The following TFEB variants were observed in gnomAD, a reference collection of about 807,000 sequenced individuals.
TFEB encodes T-cell transcription factor EB.
A neutral mutation model predicts 48.0 loss-of-function variants in TFEB; 12 were observed. The observed-to-expected ratio is 0.25, with a 90% confidence interval of 0.16 to 0.40. The LOEUF (loss-of-function observed/expected upper bound fraction) is 0.40. TFEB is among the 10% of genes least tolerant of loss of function. The pLI, the probability that TFEB is intolerant of heterozygous loss-of-function variation, is 1.00. For synonymous variants in TFEB, 244 were observed against 261.4 expected, an observed-to-expected ratio of 0.93 and a Z score of 0.64; for missense variants, 509 against 640.3, an observed-to-expected ratio of 0.79 and a Z score of 2.21.
At chr6:41,701,135 A>C (rs1385632237) in intron 1 of TFEB, among the ~76,000 whole-genome samples, 1 of 152,210 alleles carries the variant, frequency 6.6e-6, no homozygotes, top group Non-Finnish European at 1.5e-5. Flanking sequence ...TCTCTCACAC[A>C]CATGCACGCA....
At position 41,723,756 on chromosome 6, in the gene TFEB, C is replaced by T. The variant is rs11963158; in HGVS notation, c.-23+11594G>A. 7,787 of 373,528 alleles carry T rather than the reference C, an allele frequency of 0.021. 531 individuals are homozygous for T. Among genetic ancestry groups the T allele is most frequent in the African/African-American group, 0.15 (6,988 of 47,144 alleles). 23.1% of individuals were successfully genotyped at this position (373,528 alleles called of 1,614,324 possible). The stretch of plus-strand genomic sequence containing the variant: ...CTGCTTCAATCTCACCCGCCCGGCT[C>T]CAGGCGCCCACAGCGCTCCTTGGTC... On this transcript the variant is annotated intron_variant, in intron 1 of 8. Coordinates refer to ENST00000373033, the MANE Select transcript of TFEB (RefSeq NM_001271944.2). The surrounding 1 kb of genome is among the most constrained non-coding windows in gnomAD (Gnocchi z 6.0).
At chr6:41,715,625 A>G (rs929885534) in intron 1 of TFEB, among the ~76,000 whole-genome samples, 1 of 151,508 alleles carries the variant, frequency 6.6e-6, no homozygotes, top group African/African-American at 2.4e-5. Flanking sequence ...AGCCGAGATC[A>G]CGCTACTGCA....
At chr6:41,686,898 G>A (rs1769039536) in intron 7 of TFEB, 196 bp downstream of exon 7, 4 of 612,566 alleles carry the variant, frequency 6.5e-6, no homozygotes. Flanking sequence ...TCACTTCCAG[G>A]ACAGAAACTC....
rs746378393 is a variant in TFEB, at chr6:41,724,824, G to A, written c.-23+10526C>T. ...GGCCCGCAGGGACTGTGGGGGAAGC[G>A]CCTCACAGCCCCTGCAGCAGCACGA... On this transcript the variant is annotated intron_variant, in intron 1 of 8. Transcript: ENST00000373033. The surrounding 1 kb of genome is among the most constrained non-coding windows in gnomAD (Gnocchi z 4.4). Among the ~76,000 whole-genome samples the A allele has an allele frequency of 6.6e-6, 1 of 152,154 alleles. No homozygotes were observed. Among genetic ancestry groups the A allele is most frequent in the African/African-American group, 2.4e-5 (1 of 41,434 alleles).
At chr6:41,716,069 A>G (rs1191629924) in intron 1 of TFEB, among the ~76,000 whole-genome samples, 4 of 152,224 alleles carry the variant, frequency 2.6e-5, no homozygotes, top group Admixed American at 2.0e-4. Context: ...CACTGCTACT[A>G]ATACCACCAC....
At chr6:41,716,274 G>A (rs1453888156) in intron 1 of TFEB, among the ~76,000 whole-genome samples, 1 of 152,188 alleles carries the variant, frequency 6.6e-6, no homozygotes, top group Non-Finnish European at 1.5e-5. Flanking sequence ...CACCCCAGTG[G>A]TACACCCCCT....
At chr6:41,713,839 T>C (rs1439133948) in intron 1 of TFEB, among the ~76,000 whole-genome samples, 3 of 152,166 alleles carry the variant, frequency 2.0e-5, no homozygotes, top group Non-Finnish European at 4.4e-5. Context: ...ATAGGCGTCC[T>C]GATGCATGCC....
At chr6:41,689,907 GC>G in intron 3 of TFEB, 96 bp from the exon 4 acceptor site, 2 of 916,840 alleles carry the variant, frequency 2.2e-6, no homozygotes, top group Non-Finnish European at 1.7e-6. Context: ...GGACCTTGGA[GC>G]CCACCTCACC....
intron 1 of TFEB, among the ~76,000 whole-genome samples, chr6:41,693,083 C>T (rs554059212): frequency 6.6e-6 from 1 of 152,272 alleles, no homozygotes; most frequent in South Asian, 2.1e-4. Flanking sequence ...GGGCACATGA[C>T]TGGCAGGCGA....
At chr6:41,687,856 A>C (rs767211588) in intron 5 of TFEB, 47 bp from the exon 6 acceptor site, 2 of 1,610,338 alleles carry the variant, frequency 1.2e-6, no homozygotes, top group Non-Finnish European at 8.5e-7. Flanking sequence ...GGAGGGAGAA[A>C]AGGAGGGAGG....
intron 1 of TFEB, among the ~76,000 whole-genome samples, chr6:41,716,395 A>G (rs1770734923): frequency 6.6e-6 from 1 of 151,512 alleles, no homozygotes; most frequent in Admixed American, 6.6e-5. Context: ...GGCCAACTGG[A>G]CCCCTGAGGG....
At chr6:41,692,088 C>G (rs1018291079) in intron 1 of TFEB, among the ~76,000 whole-genome samples, 3 of 152,182 alleles carry the variant, frequency 2.0e-5, no homozygotes, top group Admixed American at 6.5e-5. Context: ...ATTACAAAGC[C>G]CTCCACCACC....
At chr6:41,722,942 G>A (rs954711850) in intron 1 of TFEB, among the ~76,000 whole-genome samples, 2 of 152,176 alleles carry the variant, frequency 1.3e-5, no homozygotes, top group African/African-American at 4.8e-5. Context: ...TTACAGATGA[G>A]GAAGCAGAGG....
In TFEB at chr6:41,723,595, C is replaced by G. The variant is rs1561871803; in HGVS notation, c.-23+11755G>C. On this transcript the variant is annotated intron_variant, in intron 1 of 8. Transcript: ENST00000373033. The surrounding 1 kb of genome is among the most constrained non-coding windows in gnomAD (Gnocchi z 6.0). ...TCCCCGGCGGCTGCTGTTTCTCACCCAGCCCCCTGCACCTCAGCTGGAGAG... is the reference window on the plus strand; with the variant it reads ...TCCCCGGCGGCTGCTGTTTCTCACCGAGCCCCCTGCACCTCAGCTGGAGAG... The G allele has an allele frequency of 8.3e-7, 1 of 1,207,608 alleles. No individual in the cohort carries two copies. Among genetic ancestry groups the G allele is most frequent in the African/African-American group, 1.6e-5 (1 of 63,494 alleles). 74.8% of individuals were successfully genotyped at this position (1,207,608 alleles called of 1,614,324 possible).
At chr6:41,711,867 C>G (rs1346499245) in intron 1 of TFEB, among the ~76,000 whole-genome samples, 1 of 152,222 alleles carries the variant, frequency 6.6e-6, no homozygotes, top group Non-Finnish European at 1.5e-5. Context: ...TGGGCTGCCC[C>G]CTTGGCAGGC....
intron 1 of TFEB, among the ~76,000 whole-genome samples, chr6:41,711,629 C>G (rs1770478161): frequency 6.6e-6 from 1 of 151,860 alleles, no homozygotes; most frequent in Admixed American, 6.6e-5. Context: ...AGCCAGGCTT[C>G]ATGCCCAAGA....
At chr6:41,731,357 T>C (rs139745845) in intron 1 of TFEB, among the ~76,000 whole-genome samples, 44 of 152,162 alleles carry the variant, frequency 2.9e-4, no homozygotes, top group Admixed American at 5.2e-4. Flanking sequence ...CAGTGCTCAA[T>C]ATATAGTGGC....
At position 41,684,427 on chromosome 6, in the gene TFEB, C is replaced by A; in HGVS notation, c.*172G>T. ...GCTGCCCTGGGGGTGCTTCTCCTGA[C>A]CCCACAGGCTGCCAGACAGGCACTA... On this transcript the variant is annotated 3_prime_UTR_variant, in exon 9 of 9. Coordinates refer to ENST00000373033, the MANE Select transcript of TFEB (RefSeq NM_001271944.2). 1.3e-6 allele frequency: 1 copy of A among 785,474 alleles called. No individual in the cohort carries two copies. 48.7% of individuals were successfully genotyped at this position (785,474 alleles called of 1,614,324 possible).
intron 1 of TFEB, among the ~76,000 whole-genome samples, chr6:41,702,971 T>G (rs1344597992): frequency 6.6e-6 from 1 of 152,132 alleles, no homozygotes; most frequent in African/African-American, 2.4e-5. Flanking sequence ...GCAGCATGGA[T>G]GTGTGGAGGG....
Sources: gnomAD v4.1 joint callset for allele counts (sites outside exome capture counted in the v4.1 genomes callset) on GRCh38, gnomAD v4.1.1 for gene constraint, Gnocchi (gnomAD v3.1) non-coding constraint, MANE v1.5 for transcripts, NCBI Gene and HGNC (gene_info 2026-07-23, HGNC 2026-07-21) for gene names.